The following DNAJC6 variants were observed in gnomAD, a reference collection of about 807,000 sequenced individuals.
DNAJC6 encodes auxilin.
DNAJC6 carries 34 observed loss-of-function variants against 110.0 expected under a neutral mutation model. That is an observed-to-expected ratio of 0.31 (90% CI 0.24 to 0.41). The LOEUF is 0.41. Among genes scored for constraint, DNAJC6 ranks in the 10% least tolerant of loss-of-function variants. The pLI is 1.00. For synonymous variants in DNAJC6, 406 were observed against 437.2 expected (o/e 0.93, Z 0.89); for missense variants, 1,031 against 1,207.8 (o/e 0.85, Z 2.17).
In DNAJC6 at chr1:65,413,113, C is replaced by A; in HGVS notation, c.*88C>A. The A allele has an allele frequency of 9.1e-7, 1 of 1,097,310 alleles. No individual in the cohort carries two copies. The highest frequency in any genetic ancestry group is 1.4e-6 in the Non-Finnish European group (1 of 737,120). 68.0% of individuals were successfully genotyped at this position (1,097,310 alleles called of 1,614,324 possible). A position where few individuals can be genotyped will look rare whatever the true frequency, so the allele number is the denominator to read the frequency against. ...GAGGTTTTCGCAGATGAACCAAAAA[C>A]TCCAGTAACATGTTTTCAGTACTAA... On this transcript the variant is annotated 3_prime_UTR_variant, in exon 19 of 19. Transcript: ENST00000371069.
intron 5 of DNAJC6, among the ~76,000 whole-genome samples, chr1:65,382,125 A>G (rs1036749244): frequency 3.9e-5 from 6 of 152,208 alleles, no homozygotes; most frequent in African/African-American, 1.4e-4. Flanking sequence ...CACAATTCTG[A>G]GAAAGTTTTG....
intron 1 of DNAJC6, among the ~76,000 whole-genome samples, chr1:65,313,748 TG>T (rs1645123825): frequency 1.3e-5 from 2 of 152,206 alleles, no homozygotes; most frequent in Non-Finnish European, 1.5e-5. Flanking sequence ...GCCTCTCAAG[TG>T]GTAGATACCA....
At chr1:65,287,554 A>G (rs975074974) in intron 1 of DNAJC6, among the ~76,000 whole-genome samples, 9 of 152,154 alleles carry the variant, frequency 5.9e-5, no homozygotes, top group African/African-American at 2.2e-4. Flanking sequence ...TGAATGAAGA[A>G]CAATCACTCC....
In DNAJC6 at chr1:65,365,756, G is replaced by A. The variant is rs189487661; in HGVS notation, c.345-129G>A. On this transcript the variant is annotated intron_variant, in intron 2 of 18. Transcript: ENST00000371069. The stretch of plus-strand genomic sequence containing the variant: ...TGATCCTTCCTTGTTGGAGAGAAGG[G>A]CTGGAGGGGAGTCGAAACATGCCCC... 557 of 969,998 alleles carry A rather than the reference G, an allele frequency of 5.7e-4. 5 individuals are homozygous for A. The African/African-American group carries it at 7.6e-3, about 13-fold the overall frequency. The allele number at this position is 969,998 out of a possible 1,614,324, so 60.1% of individuals were successfully genotyped here. A position where few individuals can be genotyped will look rare whatever the true frequency, so the allele number is the denominator to read the frequency against.
chr1:65,377,459 G>A (rs1378442674), intron 4 of DNAJC6, among the ~76,000 whole-genome samples: 2 of 152,146 alleles, frequency 1.3e-5, no homozygotes, highest in East Asian at 3.9e-4. Flanking sequence ...AAGGGGCAAG[G>A]CATCATAAAG....
intron 1 of DNAJC6, among the ~76,000 whole-genome samples, chr1:65,277,730 C>T (rs1266889768): frequency 1.3e-5 from 2 of 152,154 alleles, no homozygotes; most frequent in African/African-American, 2.4e-5. Flanking sequence ...CTGGTGCCCT[C>T]GCGGGCAGAA....
chr1:65,408,672 C>T lies in DNAJC6; in HGVS notation c.2523C>T (p.Asp841=). The stretch of plus-strand genomic sequence containing the variant: ...AACAAAAAGCAGCTGATTTTGAAGA[C>T]CTACTCTCTGGTCAAGGTTTCAATG... ...EGKQKAADFE[D]LLSGQGFNAH... The change falls in exon 17 of 19, where the codon GAC becomes GAT. Residue 841 remains aspartate (D), a synonymous_variant. Coordinates refer to ENST00000371069, the MANE Select transcript of DNAJC6 (RefSeq NM_001256864.2). 2 of 1,613,768 alleles carry T rather than the reference C, an allele frequency of 1.2e-6. No individual in the cohort carries two copies. The highest frequency in any genetic ancestry group is 8.5e-7 in the Non-Finnish European group (1 of 1,179,880).
chr1:65,372,608 T>C (rs1645718295), intron 4 of DNAJC6, among the ~76,000 whole-genome samples: 1 of 152,172 alleles, frequency 6.6e-6, no homozygotes, highest in African/African-American at 2.4e-5. Context: ...CTTGTAATGC[T>C]CATTTATACT....
chr1:65,309,329 C>G (rs1475796463), upstream of DNAJC6, among the ~76,000 whole-genome samples: 1 of 151,452 alleles, frequency 6.6e-6, no homozygotes, highest in Non-Finnish European at 1.5e-5. Flanking sequence ...CTTTCCTTCC[C>G]TCCCCGCGGG....
At chr1:65,386,009 G>T in intron 7 of DNAJC6, 103 bp downstream of exon 7, 1 of 1,143,504 alleles carries the variant, frequency 8.7e-7, no homozygotes. Flanking sequence ...ATATCATTGT[G>T]AAATAGCTGA....
At chr1:65,411,516 T>C (rs1570392178) in intron 18 of DNAJC6, 90 bp downstream of exon 18, 1 of 1,249,124 alleles carries the variant, frequency 8.0e-7, no homozygotes, top group East Asian at 2.4e-5. Context: ...TGCTGGTTCA[T>C]ATGGCCTATT....
At chr1:65,267,071 A>G (rs908200996) in intron 1 of DNAJC6, among the ~76,000 whole-genome samples, 3 of 151,970 alleles carry the variant, frequency 2.0e-5, no homozygotes, top group Middle Eastern at 3.4e-3. Context: ...TAATTTTTGT[A>G]TTTTTAGTAG....
intron 4 of DNAJC6, among the ~76,000 whole-genome samples, chr1:65,367,196 C>T (rs1286111120): frequency 6.6e-6 from 1 of 152,116 alleles, no homozygotes; most frequent in African/African-American, 2.4e-5. Flanking sequence ...GCTTGTTAAA[C>T]ACAGACTTCT....
In DNAJC6 at chr1:65,396,613, G is replaced by A. The variant is rs139791800; in HGVS notation, c.2038+1581G>A. 5.6e-3 allele frequency among the ~76,000 whole-genome samples: 858 copies of A among 152,058 alleles called. 5 individuals are homozygous for A. Among genetic ancestry groups the A allele is most frequent in the African/African-American group, 0.02 (819 of 41,484 alleles). ...CAGTGGAGTCTACTCTGATTCCTCC[G>A]TTTCAAATTGCAACTCGTCTCCCTG... is the stretch of plus-strand genomic sequence containing the variant. On this transcript the variant is annotated intron_variant, in intron 13 of 18. Coordinates refer to ENST00000371069, the MANE Select transcript of DNAJC6 (RefSeq NM_001256864.2).
In DNAJC6 at chr1:65,409,442, C is replaced by G. The variant is rs190864221; in HGVS notation, c.2634+659C>G. 1.1e-4 allele frequency among the ~76,000 whole-genome samples: 17 copies of G among 152,214 alleles called. No individual in the cohort carries two copies. In the East Asian group the frequency reaches 2.9e-3, roughly 26 times the overall value. On this transcript the variant is annotated intron_variant, in intron 17 of 18. Transcript: ENST00000371069. ...TATAGATTTCTTTTGTTTGCCTGTT[C>G]AAATGAGCAGTGGCACTTTCTAAGA...
intron 1 of DNAJC6, among the ~76,000 whole-genome samples, chr1:65,332,178 G>A (rs11208632): frequency 0.12 from 18,415 of 152,052 alleles, 1,492 homozygotes; most frequent in East Asian, 0.27. Flanking sequence ...GATGGATTAC[G>A]AATACAAATG....
intron 1 of DNAJC6, among the ~76,000 whole-genome samples, chr1:65,319,139 C>G (rs1173294334): frequency 1.3e-5 from 2 of 152,158 alleles, no homozygotes; most frequent in Non-Finnish European, 2.9e-5. Flanking sequence ...CAGGAGATAC[C>G]TGGATGGCAG....
chr1:65,329,154 TCC>T (rs1336176652), intron 1 of DNAJC6, among the ~76,000 whole-genome samples: 1 of 152,340 alleles, frequency 6.6e-6, no homozygotes, highest in African/African-American at 2.4e-5. Flanking sequence ...TGGCTTTTGA[TCC>T]TGCCTGCACT....
chr1:65,276,171 C>T (rs890956316), intron 1 of DNAJC6, among the ~76,000 whole-genome samples: 8 of 152,148 alleles, frequency 5.3e-5, no homozygotes, highest in Admixed American at 2.6e-4. Context: ...CGTGGGCCAC[C>T]GCGCCCAGCC....
Sources: gnomAD v4.1 joint callset for allele counts (sites outside exome capture counted in the v4.1 genomes callset) on GRCh38, gnomAD v4.1.1 for gene constraint, MANE v1.5 for transcripts, NCBI Gene and HGNC (gene_info 2026-07-23, HGNC 2026-07-21) for gene names.